HNRNPLL: variants seen among roughly 807,000 people sequenced by gnomAD.
HNRNPLL encodes heterogeneous nuclear ribonucleoprotein L like.
Under a neutral mutation model 67.1 loss-of-function variants are expected in HNRNPLL, and 25 were observed. The ratio of observed to expected loss-of-function variants is 0.37; its 90% CI spans 0.27 to 0.52. The LOEUF (loss-of-function observed/expected upper bound fraction) is 0.52. Ranked by LOEUF, HNRNPLL falls within the 20% of genes least tolerant of loss-of-function variation. The probability of loss-of-function intolerance (pLI) is 0.90; values close to 1 mark genes in which losing one functional copy is unlikely to be tolerated. For synonymous variants in HNRNPLL, 267 were observed against 241.7 expected, an observed-to-expected ratio of 1.10 and a Z score of -0.97; for missense variants, 542 against 673.9, an observed-to-expected ratio of 0.80 and a Z score of 2.17.
At chr2:38,589,151 A>C (rs1666861864) in intron 2 of HNRNPLL, among the ~76,000 whole-genome samples, 2 of 152,232 alleles carry the variant, frequency 1.3e-5, no homozygotes, top group Admixed American at 1.3e-4. Flanking sequence ...TAATGCATAC[A>C]GTATAGAAAA....
intron 6 of HNRNPLL, among the ~76,000 whole-genome samples, chr2:38,579,746 T>TC (rs1666447981): frequency 1.3e-5 from 2 of 151,780 alleles, no homozygotes; most frequent in Non-Finnish European, 2.9e-5. Flanking sequence ...TTTTTATTTT[T>TC]TTTGGTTAAA....
intron 12 of HNRNPLL, among the ~76,000 whole-genome samples, chr2:38,564,718 T>C (rs1378724864): frequency 6.6e-6 from 1 of 152,116 alleles, no homozygotes; most frequent in East Asian, 1.9e-4. Context: ...GGGACTTTGT[T>C]CACTGCCACA....
chr2:38,599,951 G>C, intron 1 of HNRNPLL: 1 of 468,686 alleles, frequency 2.1e-6, no homozygotes, highest in Non-Finnish European at 4.4e-6. Flanking sequence ...TGGGCTGAAG[G>C]ACCACTGAAG....
intron 8 of HNRNPLL, among the ~76,000 whole-genome samples, chr2:38,571,578 A>T (rs1268935825): frequency 6.6e-6 from 1 of 152,158 alleles, no homozygotes. Flanking sequence ...AGGATTTTTC[A>T]GCTTTATTTG....
chr2:38,600,041 G>T, intron 1 of HNRNPLL: 3 of 367,490 alleles, frequency 8.2e-6, no homozygotes, highest in Non-Finnish European at 1.7e-5. Flanking sequence ...TTCTATCCGG[G>T]GAACGTCTAT....
chr2:38,593,886 A>T (rs1667067600), intron 1 of HNRNPLL, among the ~76,000 whole-genome samples: 1 of 148,496 alleles, frequency 6.7e-6, no homozygotes, highest in South Asian at 2.1e-4. Flanking sequence ...AAAAAAACCT[A>T]AATGCTGGCC....
At chr2:38,578,893 C>T (rs1558535547) in intron 6 of HNRNPLL, among the ~76,000 whole-genome samples, 1 of 152,048 alleles carries the variant, frequency 6.6e-6, no homozygotes, top group Non-Finnish European at 1.5e-5. Flanking sequence ...GACCCCATTT[C>T]CCCAAAGTCA....
chr2:38,569,280 A>G lies in HNRNPLL; in HGVS notation c.1269T>C (p.Gly423=), dbSNP rs112919967. The change falls in exon 10 of 13, where the codon GGT becomes GGC. Residue 423 remains glycine, a synonymous_variant. Coordinates refer to ENST00000449105, the MANE Select transcript of HNRNPLL (RefSeq NM_138394.4). ...TTGCAAAATCTTTGTAGCTGCTGGT[A>G]CCATCCTCCAGCTCAAATATTTGAC... ...VPSQIFELED[G]TSSYKDFAMS... is the part of the protein sequence containing the mutation. 19 of 1,613,040 alleles carry G rather than the reference A, an allele frequency of 1.2e-5. No homozygotes were observed. The highest frequency in any genetic ancestry group is 1.1e-4 in the African/African-American group (8 of 75,014).
At chr2:38,584,532 A>T (rs1218729869) in intron 3 of HNRNPLL, among the ~76,000 whole-genome samples, 2 of 152,214 alleles carry the variant, frequency 1.3e-5, no homozygotes, top group African/African-American at 4.8e-5. Context: ...CTGATGATAT[A>T]AAATTAATAA....
chr2:38,589,883 C>T (rs528830405), intron 2 of HNRNPLL, among the ~76,000 whole-genome samples: 3 of 152,104 alleles, frequency 2.0e-5, no homozygotes, highest in African/African-American at 7.2e-5. Flanking sequence ...GAAAAATAAA[C>T]CACAGACACC....
chr2:38,568,998 TCCAGTA>T (rs1046911766), intron 10 of HNRNPLL, 129 bp downstream of exon 10: 3 of 667,228 alleles, frequency 4.5e-6, no homozygotes, highest in Non-Finnish European at 7.9e-6. Context: ...GAATAAACTA[TCCAGTA>T]CCAAGTAAAT....
intron 1 of HNRNPLL, among the ~76,000 whole-genome samples, chr2:38,594,808 G>A (rs1667107750): frequency 6.6e-6 from 1 of 151,952 alleles, no homozygotes; most frequent in South Asian, 2.1e-4. Context: ...AAATGAGCTG[G>A]GCGTGGTGGT....
At chr2:38,569,778 A>G in intron 9 of HNRNPLL, 26 bp downstream of exon 9, 1 of 1,198,112 alleles carries the variant, frequency 8.3e-7, no homozygotes, top group Admixed American at 2.5e-5. Context: ...ATTTTTTAAA[A>G]TTTATCATTT....
intron 6 of HNRNPLL, chr2:38,581,679 T>C (rs918277075): frequency 1.9e-6 from 1 of 533,706 alleles, no homozygotes. Flanking sequence ...ACTGCGGGCG[T>C]GCCTGAATGT....
intron 2 of HNRNPLL, 133 bp from the exon 3 acceptor site, chr2:38,586,014 A>C: frequency 1.5e-6 from 1 of 658,914 alleles, no homozygotes; most frequent in Non-Finnish European, 2.7e-6. Flanking sequence ...CCTGTGTCCA[A>C]CGTAAGTCAA....
Position 38,573,203 on chromosome 2 carries a change from A to G in HNRNPLL, c.1092+7T>C. On this transcript the variant is annotated splice_region_variant and intron_variant, in intron 8 of 12. Transcript: ENST00000449105. ...AGCAAAAGAAACCAATATAAAGAGA[A>G]ACTTACCTTCTCAATATTTCCATAT... The G allele has an allele frequency of 6.4e-7, 1 of 1,573,226 alleles. No homozygotes were observed. Among genetic ancestry groups the G allele is most frequent in the Non-Finnish European group, 8.6e-7 (1 of 1,157,584 alleles).
At chr2:38,572,035 T>C (rs1191549326) in intron 8 of HNRNPLL, among the ~76,000 whole-genome samples, 1 of 152,092 alleles carries the variant, frequency 6.6e-6, no homozygotes, top group African/African-American at 2.4e-5. Context: ...AGTTAAAATA[T>C]ACATTAAAGC....
chr2:38,591,332 C>T (rs766988158), intron 2 of HNRNPLL, among the ~76,000 whole-genome samples, 198 bp downstream of exon 2: 4 of 152,176 alleles, frequency 2.6e-5, no homozygotes, highest in Non-Finnish European at 5.9e-5. Context: ...CAAAAATACA[C>T]TCATGCATCA....
intron 2 of HNRNPLL, among the ~76,000 whole-genome samples, chr2:38,589,753 T>A (rs1666889358): frequency 6.6e-6 from 1 of 152,212 alleles, no homozygotes; most frequent in Non-Finnish European, 1.5e-5. Flanking sequence ...GTCATGGTAC[T>A]AATTAACATC....
Sources: gnomAD v4.1 joint callset for allele counts (sites outside exome capture counted in the v4.1 genomes callset) on GRCh38, gnomAD v4.1.1 for gene constraint, MANE v1.5 for transcripts, NCBI Gene and HGNC (gene_info 2026-07-23, HGNC 2026-07-21) for gene names.